Variants in SOX5 observed in about 807,000 individuals in gnomAD.
SOX5 encodes transcription factor SOX-5.
A neutral mutation model predicts 92.0 loss-of-function variants in SOX5; 9 were observed. The observed-to-expected ratio is 0.10, with a 90% CI of 0.06 to 0.17. The LOEUF (loss-of-function observed/expected upper bound fraction) is 0.17. Ranked by LOEUF, SOX5 falls within the 10% of genes least tolerant of loss-of-function variation. The probability of loss-of-function intolerance (pLI) is 1.00; values close to 1 mark genes in which losing one functional copy is unlikely to be tolerated. For synonymous variants in SOX5, 344 were observed against 336.3 expected (o/e 1.02, Z -0.25); for missense variants, 642 against 944.5 (o/e 0.68, Z 4.20).
intron 2 of SOX5, among the ~76,000 whole-genome samples, chr12:24,291,574 A>G (rs546835009): frequency 6.6e-6 from 1 of 152,246 alleles, no homozygotes; most frequent in Non-Finnish European, 1.5e-5. Context: ...AAATGTGCAT[A>G]TAGAAACAGA....
intron 4 of SOX5, among the ~76,000 whole-genome samples, chr12:23,745,792 T>C (rs945613690): frequency 1.4e-5 from 2 of 140,814 alleles, no homozygotes; most frequent in Non-Finnish European, 3.2e-5. Context: ...TATTATAGTA[T>C]TGAATCATTG....
At chr12:24,160,913 C>T (rs1037075787) in intron 4 of SOX5, among the ~76,000 whole-genome samples, 17 of 152,028 alleles carry the variant, frequency 1.1e-4, no homozygotes, top group Non-Finnish European at 1.8e-4. Context: ...CACACTCCTC[C>T]CTTTACCTAT....
intron 4 of SOX5, among the ~76,000 whole-genome samples, chr12:24,114,519 T>C (rs924295229): frequency 8.3e-6 from 1 of 120,438 alleles, no homozygotes; most frequent in Non-Finnish European, 1.6e-5. Flanking sequence ...GAGGTTGCAG[T>C]GAGCTAACAT....
intron 4 of SOX5, among the ~76,000 whole-genome samples, chr12:24,087,178 C>T (rs943400991): frequency 6.6e-6 from 1 of 151,914 alleles, no homozygotes; most frequent in Non-Finnish European, 1.5e-5. Flanking sequence ...CTCTCTCTCT[C>T]TTTATATTTT....
At chr12:23,705,889 C>T (rs1234255836) in intron 6 of SOX5, among the ~76,000 whole-genome samples, 1 of 152,058 alleles carries the variant, frequency 6.6e-6, no homozygotes, top group Non-Finnish European at 1.5e-5. Flanking sequence ...CTAACAATCC[C>T]ACTGCTACTT....
intron 1 of SOX5, among the ~76,000 whole-genome samples, chr12:23,942,330 C>A (rs1201997057): frequency 6.6e-6 from 1 of 151,794 alleles, no homozygotes; most frequent in African/African-American, 2.4e-5. Flanking sequence ...AACAACCTAT[C>A]TCCCTGGTAT....
intron 1 of SOX5, among the ~76,000 whole-genome samples, chr12:23,916,300 G>C (rs889659164): frequency 5.3e-5 from 8 of 152,078 alleles, no homozygotes; most frequent in African/African-American, 1.9e-4. Context: ...CACAATCCAA[G>C]AGAAAACAAT....
chr12:24,126,844 C>T (rs1949151009), intron 4 of SOX5, among the ~76,000 whole-genome samples: 1 of 152,084 alleles, frequency 6.6e-6, no homozygotes, highest in Non-Finnish European at 1.5e-5. Context: ...GGGGTCATCT[C>T]ACATCCACCT....
chr12:23,618,736 C>A (rs1354897343), intron 8 of SOX5, among the ~76,000 whole-genome samples: 4 of 152,144 alleles, frequency 2.6e-5, no homozygotes, highest in African/African-American at 9.7e-5. Flanking sequence ...GGTTAAACAA[C>A]TGGTAGTATC....
At chr12:24,451,192 A>C (rs1310944204) in intron 1 of SOX5, among the ~76,000 whole-genome samples, 1 of 152,150 alleles carries the variant, frequency 6.6e-6, no homozygotes, top group Non-Finnish European at 1.5e-5. Context: ...ATCCATTCAT[A>C]TGTTGATGGA....
chr12:23,752,845 TTCAG>T lies in SOX5; in HGVS notation c.568+2789_568+2792del, dbSNP rs1175829164. On this transcript the variant is annotated intron_variant, in intron 4 of 14. Coordinates refer to ENST00000451604, the MANE Select transcript of SOX5 (RefSeq NM_006940.6). ...ATATTGACTGTTGTTGGCAGAACTT[TTCAG>T]TCAAACTGTTTTGTTCTGCAAAACC... Among the ~76,000 whole-genome samples the T allele has an allele frequency of 2.6e-5, 4 of 152,006 alleles. No individual in the cohort carries two copies. The East Asian group carries it at 7.8e-4, about 29-fold the overall frequency.
chr12:24,091,261 G>A (rs990580298), intron 4 of SOX5, among the ~76,000 whole-genome samples: 5 of 152,092 alleles, frequency 3.3e-5, no homozygotes, highest in Non-Finnish European at 7.4e-5. Flanking sequence ...GAGGATGAAT[G>A]AAACATAATT....
In SOX5 at chr12:23,765,311, C is replaced by T. The variant is rs1371784434; in HGVS notation, c.482-9587G>A. On this transcript the variant is annotated intron_variant, in intron 3 of 14. Transcript: ENST00000451604. ...CGTTTAATGTTCACAAACTTCGATA[C>T]GATCTAATCAACAAGGAAACCTGCA... Among the ~76,000 whole-genome samples the T allele has an allele frequency of 7.0e-5, 9 of 128,976 alleles. No homozygotes were observed. The Admixed American group carries it at 7.7e-4, about 11-fold the overall frequency. The allele number at this position is 128,976 out of a possible 152,430, so 84.6% of individuals were successfully genotyped here. A position where few individuals can be genotyped will look rare whatever the true frequency, so the allele number is the denominator to read the frequency against.
intron 1 of SOX5, among the ~76,000 whole-genome samples, chr12:23,942,479 T>C (rs150242311): frequency 0.018 from 2,750 of 152,028 alleles, 40 homozygotes; most frequent in Non-Finnish European, 0.03. Flanking sequence ...CCTCTTGTTT[T>C]ACTCCTACAC....
intron 3 of SOX5, among the ~76,000 whole-genome samples, chr12:24,267,678 A>C (rs777701989): frequency 1.3e-5 from 2 of 152,140 alleles, no homozygotes; most frequent in East Asian, 3.9e-4. Flanking sequence ...TTGTCTTTCT[A>C]AAGAAAGACA....
chr12:24,426,969 A>C (rs1966839677), intron 1 of SOX5, among the ~76,000 whole-genome samples: 1 of 152,148 alleles, frequency 6.6e-6, no homozygotes, highest in Non-Finnish European at 1.5e-5. Context: ...CAGTAGAGTG[A>C]ATCTGCCCTC....
At chr12:23,771,188 A>C (rs1310333838) in intron 3 of SOX5, among the ~76,000 whole-genome samples, 1 of 46,484 alleles carries the variant, frequency 2.2e-5, no homozygotes, top group African/African-American at 5.1e-5. Flanking sequence ...AAAATGGAGC[A>C]AAAAAAAAAA....
At chr12:24,340,539 G>T (rs1035331616) in intron 2 of SOX5, among the ~76,000 whole-genome samples, 2 of 152,188 alleles carry the variant, frequency 1.3e-5, no homozygotes, top group African/African-American at 4.8e-5. Context: ...TCTGAAGCTG[G>T]TGTGAACCAG....
At chr12:24,302,461 T>C (rs1400419003) in intron 2 of SOX5, among the ~76,000 whole-genome samples, 2 of 152,150 alleles carry the variant, frequency 1.3e-5, no homozygotes, top group Non-Finnish European at 2.9e-5. Flanking sequence ...TTGAAAAACA[T>C]TTTCAGAGAG....
Sources: allele counts gnomAD v4.1 joint callset (sites outside exome capture counted in the v4.1 genomes callset), GRCh38; gene constraint gnomAD v4.1.1; transcripts MANE v1.5; gene names NCBI Gene and HGNC (gene_info 2026-07-23, HGNC 2026-07-21).